FOXP1: variants seen among roughly 807,000 people sequenced by gnomAD.
FOXP1 encodes forkhead box P1, also known as forkhead box protein P1.
A neutral mutation model predicts 98.2 loss-of-function variants in FOXP1; 15 were observed. The ratio of observed to expected loss-of-function variants is 0.15; its 90% CI spans 0.10 to 0.24. The LOEUF is 0.24. FOXP1 is among the 10% of genes least tolerant of loss of function. FOXP1 has a pLI of 1.00. For missense variants in FOXP1, 633 were observed against 848.5 expected, an observed-to-expected ratio of 0.75 and a Z score of 3.15; for synonymous variants, 371 against 314.5, an observed-to-expected ratio of 1.18 and a Z score of -1.90.
At chr3:71,404,262 G>A (rs1053328405) in intron 3 of FOXP1, among the ~76,000 whole-genome samples, 9 of 150,872 alleles carry the variant, frequency 6.0e-5, no homozygotes, top group Middle Eastern at 3.2e-3. Context: ...CGAGTAGCTG[G>A]GATTATAGAC....
intron 19 of FOXP1, chr3:70,969,226 A>C (rs1426234303): frequency 1.3e-5 from 2 of 152,100 alleles, no homozygotes; most frequent in Non-Finnish European, 2.9e-5. Context: ...ACACTTCACA[A>C]GACTCCAGGG....
At position 71,488,414 on chromosome 3, in the gene FOXP1, G is replaced by A. The variant is rs144648008; in HGVS notation, c.-168+5012C>T. ...ACTGCTGTGTGGTACTAGGGAACTGGGGTGGGGGTGTGGAGGTTCTTTCAT... is the reference window on the plus strand; with the variant it reads ...ACTGCTGTGTGGTACTAGGGAACTGAGGTGGGGGTGTGGAGGTTCTTTCAT... On this transcript the variant is annotated intron_variant, in intron 3 of 20. Transcript: ENST00000649528. Among the ~76,000 whole-genome samples the A allele has an allele frequency of 3.7e-4, 56 of 152,312 alleles. No homozygotes were observed. The East Asian group carries it at 0.01, about 27-fold the overall frequency.
At chr3:71,179,501 C>T (rs895419354) in intron 6 of FOXP1, among the ~76,000 whole-genome samples, 3 of 152,084 alleles carry the variant, frequency 2.0e-5, no homozygotes, top group African/African-American at 7.2e-5. Flanking sequence ...AAACATTAGC[C>T]CATGAATGAT....
At position 70,958,136 on chromosome 3, in the gene FOXP1, C is replaced by A; in HGVS notation, c.*1111G>T. On this transcript the variant is annotated 3_prime_UTR_variant, in exon 21 of 21. Transcript: ENST00000649528. ...TTAATATGAGCTTTTTTTTTTTTTTCAGTGCTGCCTATGTTTCCTTGTGCT... is the reference window on the plus strand; with the variant it reads ...TTAATATGAGCTTTTTTTTTTTTTTAAGTGCTGCCTATGTTTCCTTGTGCT... 3 of 260,234 alleles carry A rather than the reference C, an allele frequency of 1.2e-5. No homozygotes were observed. The highest frequency in any genetic ancestry group is 6.0e-5 in the East Asian group (1 of 16,542). The allele number at this position is 260,234 out of a possible 1,614,324, so 16.1% of individuals were successfully genotyped here.
intron 2 of FOXP1, among the ~76,000 whole-genome samples, chr3:71,566,519 T>G (rs887976068): frequency 1.3e-5 from 2 of 152,218 alleles, no homozygotes; most frequent in Admixed American, 1.3e-4. Context: ...CCCTGTAGTG[T>G]GAAAATTAAG....
At chr3:71,569,754 A>G (rs1409211479) in intron 2 of FOXP1, among the ~76,000 whole-genome samples, 2 of 151,866 alleles carry the variant, frequency 1.3e-5, no homozygotes, top group Non-Finnish European at 2.9e-5. Flanking sequence ...CCTAATGGCT[A>G]TGTGACTCAG....
At chr3:71,052,736 A>G (rs1314063733) in intron 8 of FOXP1, 110 bp from the exon 9 acceptor site, 1 of 747,114 alleles carries the variant, frequency 1.3e-6, no homozygotes, top group Non-Finnish European at 2.5e-6. Context: ...TTTATCTGTA[A>G]TGGCCTGACC....
At chr3:71,344,143 A>G (rs572599522) in intron 4 of FOXP1, among the ~76,000 whole-genome samples, 9 of 152,186 alleles carry the variant, frequency 5.9e-5, no homozygotes, top group African/African-American at 9.7e-5. Context: ...TTGCATACGC[A>G]TATCAGTACT....
rs778983019 is a variant in FOXP1 at position 71,047,098 on chromosome 3, G to T, written c.511-3C>A. ...TGCTGGGTAGCCACCTGCTGTTGCTGTAAGAAATCAGGAAGAAAAAATGAG... is the reference window on the plus strand; with the variant it reads ...TGCTGGGTAGCCACCTGCTGTTGCTTTAAGAAATCAGGAAGAAAAAATGAG... On this transcript the variant is annotated splice_region_variant and splice_polypyrimidine_tract_variant and intron_variant, in intron 9 of 20. Coordinates refer to ENST00000649528, the MANE Select transcript of FOXP1 (RefSeq NM_001349338.3). The T allele has an allele frequency of 6.2e-7, 1 of 1,613,974 alleles. No individual in the cohort carries two copies. The highest frequency in any genetic ancestry group is 8.5e-7 in the Non-Finnish European group (1 of 1,179,912).
At chr3:71,020,631 G>A (rs1031615301) in intron 11 of FOXP1, among the ~76,000 whole-genome samples, 1 of 152,210 alleles carries the variant, frequency 6.6e-6, no homozygotes, top group Non-Finnish European at 1.5e-5. Flanking sequence ...AATTTCTGAA[G>A]GAGATGAAGC....
At chr3:70,965,858 T>C (rs777997957) in intron 20 of FOXP1, 32 bp downstream of exon 20, 8 of 1,610,132 alleles carry the variant, frequency 5.0e-6, no homozygotes, top group Non-Finnish European at 6.8e-6. Context: ...TAGGGTCAGA[T>C]AGCAAAGACC....
At chr3:71,359,069 C>T (rs2107897039) in intron 4 of FOXP1, 81 bp downstream of exon 4, 1 of 152,262 alleles carries the variant, frequency 6.6e-6, no homozygotes, top group Middle Eastern at 3.4e-3. Context: ...TGCAGGATTA[C>T]TATATCGACC....
intron 2 of FOXP1, among the ~76,000 whole-genome samples, chr3:71,508,475 G>A (rs2041982294): frequency 6.6e-6 from 1 of 152,160 alleles, no homozygotes; most frequent in Admixed American, 6.5e-5. Context: ...GACGGCCTGG[G>A]TGCAGAACTC....
rs756987886 is a variant in FOXP1 at position 70,959,345 on chromosome 3, C to G, written c.1936G>C (p.Glu646Gln). The G allele has an allele frequency of 6.2e-7, 1 of 1,614,120 alleles. No individual in the cohort carries two copies. Residue 646 changes from glutamate to glutamine, a missense_variant, in exon 21 of 21, where the codon GAA (glutamate) becomes CAA (glutamine). Glu to Gln is a conservative substitution (Grantham distance 29). Transcript: ENST00000649528. ...KEEPLDPEEAEGPLSLVTTAN... is the reference protein window; with the variant it reads ...KEEPLDPEEAQGPLSLVTTAN... The stretch of plus-strand genomic sequence containing the variant: ...GTTGTCACTAAGGACAGGGGCCCTT[C>G]AGCTTCCTCTGGATCGAGGGGCTCT...
chr3:71,493,078 T>C (rs933235813), intron 3 of FOXP1, among the ~76,000 whole-genome samples: 1 of 151,338 alleles, frequency 6.6e-6, no homozygotes, highest in Non-Finnish European at 1.5e-5. Flanking sequence ...GATGAAAAAA[T>C]TGTTGTCTTA....
At chr3:71,038,833 A>T (rs1279475906) in intron 11 of FOXP1, among the ~76,000 whole-genome samples, 1 of 151,734 alleles carries the variant, frequency 6.6e-6, no homozygotes, top group Non-Finnish European at 1.5e-5. Flanking sequence ...CAGGCTAATT[A>T]AAAAAAAGTT....
At chr3:71,216,216 T>G (rs1361453444) in intron 5 of FOXP1, among the ~76,000 whole-genome samples, 1 of 152,238 alleles carries the variant, frequency 6.6e-6, no homozygotes, top group Non-Finnish European at 1.5e-5. Context: ...GTGTGTTCAC[T>G]TCTCCTTAAA....
intron 6 of FOXP1, among the ~76,000 whole-genome samples, chr3:71,180,033 C>G (rs1404729025): frequency 3.3e-5 from 5 of 152,164 alleles, no homozygotes; most frequent in African/African-American, 1.2e-4. Context: ...CTCGCCACCT[C>G]TTCCAGCACA....
rs187810838 is a variant in FOXP1, at chr3:71,504,852, C to T, written c.-297-11297G>A. Among the ~76,000 whole-genome samples the T allele has an allele frequency of 1.5e-4, 23 of 152,348 alleles. No individual in the cohort carries two copies. The East Asian group carries it at 4.4e-3, about 29-fold the overall frequency. ...TTTTGGATATTCTCCTGGGTACTTC[C>T]AGTTCTAACACCAACTAACATGTGC... is the stretch of plus-strand genomic sequence containing the variant. On this transcript the variant is annotated intron_variant, in intron 2 of 20. Transcript: ENST00000649528.
Sources: allele counts gnomAD v4.1 joint callset (sites outside exome capture counted in the v4.1 genomes callset), GRCh38; gene constraint gnomAD v4.1.1; transcripts MANE v1.5; gene names NCBI Gene and HGNC (gene_info 2026-07-23, HGNC 2026-07-21).